Variants in KHDRBS2 observed in about 807,000 individuals in gnomAD.
KHDRBS2 encodes KH domain-containing, RNA-binding, signal transduction-associated protein 2.
Under a neutral mutation model 44.3 loss-of-function variants are expected in KHDRBS2, and 26 were observed. The observed-to-expected ratio is 0.59, with a 90% CI of 0.43 to 0.81. The LOEUF (loss-of-function observed/expected upper bound fraction) is 0.81, where lower values mean the gene tolerates loss of function less well. Ranked by LOEUF, KHDRBS2 falls within the 40% of genes least tolerant of loss-of-function variation. KHDRBS2 has a pLI of 0.00. For missense variants in KHDRBS2, 476 were observed against 433.1 expected (o/e 1.10, Z -0.88); for synonymous variants, 194 against 151.1 (o/e 1.28, Z -2.08).
intron 1 of KHDRBS2, among the ~76,000 whole-genome samples, chr6:62,256,774 C>A (rs1056209636): frequency 3.3e-5 from 5 of 152,074 alleles, no homozygotes; most frequent in Non-Finnish European, 7.4e-5. Flanking sequence ...TCTGTAAATG[C>A]AGGTTACACT....
intron 2 of KHDRBS2, among the ~76,000 whole-genome samples, chr6:62,174,156 A>G (rs1820630782): frequency 1.3e-5 from 2 of 151,884 alleles, no homozygotes; most frequent in African/African-American, 2.4e-5. Context: ...GTACCTATAA[A>G]GCCCCATAGT....
intron 1 of KHDRBS2, among the ~76,000 whole-genome samples, chr6:62,186,717 A>T (rs1312353813): frequency 6.6e-6 from 1 of 152,088 alleles, no homozygotes; most frequent in Non-Finnish European, 1.5e-5. Context: ...GTCATCTAAC[A>T]TTAAGCAGTG....
intron 2 of KHDRBS2, among the ~76,000 whole-genome samples, chr6:62,112,639 T>C (rs1264341869): frequency 6.6e-6 from 1 of 152,118 alleles, no homozygotes; most frequent in East Asian, 1.9e-4. Flanking sequence ...AACACTTATA[T>C]AATGAAAGAG....
At chr6:62,105,137 T>A (rs968348171) in intron 2 of KHDRBS2, among the ~76,000 whole-genome samples, 1 of 152,104 alleles carries the variant, frequency 6.6e-6, no homozygotes, top group Non-Finnish European at 1.5e-5. Flanking sequence ...AGCTTTTAGT[T>A]AAACATTTTC....
In KHDRBS2 at chr6:61,723,565, AC is replaced by A. The variant is rs1339011355; in HGVS notation, c.893+9116del. Among the ~76,000 whole-genome samples, 3 of 152,026 alleles carry A rather than the reference AC, an allele frequency of 2.0e-5. No individual in the cohort carries two copies. In the East Asian group the frequency reaches 5.8e-4, roughly 29 times the overall value. ...CTCCATCTCAAAAACAAACAAACAA[AC>A]AAACAAACAAAAAAACAACAATACA... On this transcript the variant is annotated intron_variant, in intron 7 of 8. Transcript: ENST00000281156.
At chr6:62,027,050 T>G (rs1301889812) in intron 3 of KHDRBS2, among the ~76,000 whole-genome samples, 2 of 151,808 alleles carry the variant, frequency 1.3e-5, no homozygotes, top group African/African-American at 4.8e-5. Context: ...ATTGTACATG[T>G]GGAGAATGTC....
the KHDRBS2 span, among the ~76,000 whole-genome samples, chr6:61,619,746 G>A: frequency 1.8e-4 from 27 of 152,060 alleles, no homozygotes; most frequent in Non-Finnish European, 3.4e-4. Flanking sequence ...GAGTCACTGC[G>A]TCTGGCCTAT....
chr6:61,848,568 TATATATAC>T lies in KHDRBS2; in HGVS notation c.810+46059_810+46066del, dbSNP rs1229041834. On this transcript the variant is annotated intron_variant, in intron 6 of 8. Coordinates refer to ENST00000281156, the MANE Select transcript of KHDRBS2 (RefSeq NM_152688.4). ...ATATATATACATATATATATGTATA[TATATATAC>T]ATATATATATATATATACTTTTTTT... 4.2e-3 allele frequency among the ~76,000 whole-genome samples: 307 copies of T among 72,242 alleles called. 20 individuals carry two copies. The highest frequency in any genetic ancestry group is 5.1e-3 in the Non-Finnish European group (190 of 37,466). 47.4% of individuals were successfully genotyped at this position (72,242 alleles called of 152,430 possible).
intron 2 of KHDRBS2, among the ~76,000 whole-genome samples, chr6:62,088,550 T>C (rs1798859930): frequency 6.6e-6 from 1 of 152,162 alleles, no homozygotes; most frequent in South Asian, 2.1e-4. Context: ...CAGCAAAGAT[T>C]GCTGCCTGTT....
chr6:61,551,359 C>T, the KHDRBS2 span, among the ~76,000 whole-genome samples: 1 of 152,072 alleles, frequency 6.6e-6, no homozygotes, highest in Admixed American at 6.6e-5. Flanking sequence ...TACAGAAGCT[C>T]TTTAGTTTAA....
chr6:61,775,166 C>A lies in KHDRBS2; in HGVS notation c.811-42402G>T, dbSNP rs367680979. On this transcript the variant is annotated intron_variant, in intron 6 of 8. Transcript: ENST00000281156. ...TCAAAATAATAAGAGCTATCTATGA[C>A]AAACCCACAGCCAATATCATACTGA... Among the ~76,000 whole-genome samples the A allele has an allele frequency of 5.3e-5, 8 of 152,188 alleles. No homozygotes were observed. The East Asian group carries it at 1.2e-3, about 22-fold the overall frequency.
intron 6 of KHDRBS2, among the ~76,000 whole-genome samples, chr6:61,752,575 T>C (rs1312972394): frequency 6.7e-6 from 1 of 149,456 alleles, no homozygotes; most frequent in Non-Finnish European, 1.5e-5. Flanking sequence ...ATTTTCATTA[T>C]AGACTTTAAC....
chr6:61,884,170 TA>T (rs1376495774), intron 6 of KHDRBS2, among the ~76,000 whole-genome samples: 1 of 152,150 alleles, frequency 6.6e-6, no homozygotes, highest in Non-Finnish European at 1.5e-5. Context: ...GTGAATTTTC[TA>T]GTTCTCTCAT....
intron 2 of KHDRBS2, among the ~76,000 whole-genome samples, chr6:62,113,192 G>T (rs1346088152): frequency 6.6e-6 from 1 of 151,982 alleles, no homozygotes; most frequent in East Asian, 1.9e-4. Context: ...ATTAAGAATG[G>T]ACATTCTTTA....
At chr6:61,571,400 G>T in the KHDRBS2 span, among the ~76,000 whole-genome samples, 4 of 152,058 alleles carry the variant, frequency 2.6e-5, no homozygotes, top group Non-Finnish European at 5.9e-5. Context: ...ACCTAATACT[G>T]GAGGTCTCAG....
chr6:62,210,597 C>G (rs1368778105), intron 1 of KHDRBS2, among the ~76,000 whole-genome samples: 1 of 152,076 alleles, frequency 6.6e-6, no homozygotes, highest in African/African-American at 2.4e-5. Context: ...TCCCAAAGTG[C>G]TGGGATTACA....
chr6:61,603,949 C>T, the KHDRBS2 span, among the ~76,000 whole-genome samples: 17 of 152,272 alleles, frequency 1.1e-4, no homozygotes, highest in African/African-American at 2.2e-4. Flanking sequence ...GGTTCCACCA[C>T]GCCTAATCAC....
the KHDRBS2 span, among the ~76,000 whole-genome samples, chr6:61,608,652 T>C: frequency 6.7e-6 from 1 of 148,900 alleles, no homozygotes; most frequent in Non-Finnish European, 1.5e-5. Flanking sequence ...TGTGTTCTCA[T>C]TGTTCAACTC....
chr6:62,106,039 A>G (rs1302557309), intron 2 of KHDRBS2, among the ~76,000 whole-genome samples: 1 of 152,154 alleles, frequency 6.6e-6, no homozygotes, highest in Non-Finnish European at 1.5e-5. Flanking sequence ...TTATGTACCC[A>G]GTAGTCATTC....
Sources: gnomAD v4.1 joint callset for allele counts (sites outside exome capture counted in the v4.1 genomes callset) on GRCh38, gnomAD v4.1.1 for gene constraint, MANE v1.5 for transcripts, NCBI Gene and HGNC (gene_info 2026-07-23, HGNC 2026-07-21) for gene names.